Variants in PPM1D observed in about 807,000 individuals in gnomAD.
The protein encoded by PPM1D is protein phosphatase 1D.
Under a neutral mutation model 58.3 loss-of-function variants are expected in PPM1D, and 52 were observed. That is an observed-to-expected ratio of 0.89 (90% CI 0.71 to 1.12). The LOEUF is 1.12. Ranked by LOEUF, PPM1D falls within the 50% of genes most tolerant of loss-of-function variation. PPM1D has a pLI of 0.00. For synonymous variants in PPM1D, 278 were observed against 285.1 expected (o/e 0.98, Z 0.25); for missense variants, 564 against 777.2 (o/e 0.73, Z 3.26).
At chr17:60,610,564 G>A (rs551404500) in intron 1 of PPM1D, among the ~76,000 whole-genome samples, 1 of 152,168 alleles carries the variant, frequency 6.6e-6, no homozygotes, top group Non-Finnish European at 1.5e-5. Context: ...GCCCAGGTTT[G>A]GCAAAGTAAA....
chr17:60,610,301 G>C (rs541559113), intron 1 of PPM1D, among the ~76,000 whole-genome samples: 1 of 152,224 alleles, frequency 6.6e-6, no homozygotes, highest in South Asian at 2.1e-4. Context: ...CTGCGATAAG[G>C]GGGTACTACT....
At chr17:60,650,785 T>C (rs1327487240) in intron 4 of PPM1D, among the ~76,000 whole-genome samples, 1 of 151,944 alleles carries the variant, frequency 6.6e-6, no homozygotes, top group African/African-American at 2.4e-5. Flanking sequence ...ATATCTTCAG[T>C]AGGCAGTTAT....
chr17:60,623,425 G>A (rs2030745112), intron 1 of PPM1D, 96 bp from the exon 2 acceptor site: 1 of 1,204,768 alleles, frequency 8.3e-7, no homozygotes, highest in Admixed American at 2.4e-5. Context: ...TAATTCGAAT[G>A]TTAACATGCT....
At chr17:60,615,257 C>T (rs547993683) in intron 1 of PPM1D, among the ~76,000 whole-genome samples, 1 of 151,844 alleles carries the variant, frequency 6.6e-6, no homozygotes, top group South Asian at 2.1e-4. Context: ...ATTAGCTGGG[C>T]GTGGTGGCGT....
intron 1 of PPM1D, among the ~76,000 whole-genome samples, chr17:60,607,701 G>GAAGT (rs2030360621): frequency 6.6e-6 from 1 of 152,234 alleles, no homozygotes; most frequent in South Asian, 2.1e-4. Context: ...GATGGTGAAT[G>GAAGT]AAGTGCAGCT....
chr17:60,607,439 C>G (rs1270548299), intron 1 of PPM1D, among the ~76,000 whole-genome samples: 2 of 152,086 alleles, frequency 1.3e-5, no homozygotes, highest in Admixed American at 6.6e-5. Flanking sequence ...TGTGCCACCA[C>G]ACTCAGCTAA....
chr17:60,654,379 C>G (rs549788096), intron 4 of PPM1D, among the ~76,000 whole-genome samples: 1 of 137,136 alleles, frequency 7.3e-6, no homozygotes, highest in East Asian at 2.4e-4. Flanking sequence ...TGAACTGATT[C>G]TCCCACCTCA....
chr17:60,607,264 T>C (rs1240559047), intron 1 of PPM1D, among the ~76,000 whole-genome samples: 2 of 152,216 alleles, frequency 1.3e-5, no homozygotes, highest in East Asian at 3.9e-4. Context: ...TTCTAAGAAA[T>C]AAGTTTTTTT....
At chr17:60,658,959 A>AAAT (rs142715163) in intron 5 of PPM1D, among the ~76,000 whole-genome samples, 18 of 151,898 alleles carry the variant, frequency 1.2e-4, no homozygotes, top group South Asian at 4.2e-4. Flanking sequence ...ACTCCATCTC[A>AAAT]AATAATAATA....
chr17:60,632,256 C>A (rs2030937804), intron 2 of PPM1D, among the ~76,000 whole-genome samples: 1 of 151,906 alleles, frequency 6.6e-6, no homozygotes. Context: ...GCTCCTATGA[C>A]ACATTTTAGG....
intron 1 of PPM1D, among the ~76,000 whole-genome samples, chr17:60,609,283 T>C (rs1598399216): frequency 6.0e-5 from 9 of 149,438 alleles, no homozygotes; most frequent in Middle Eastern, 3.6e-3. Flanking sequence ...TTAGTAGAGA[T>C]GGGGTTTCAC....
intron 3 of PPM1D, among the ~76,000 whole-genome samples, chr17:60,643,055 G>GAAAAAA (rs61233619): frequency 1.4e-5 from 1 of 73,666 alleles, no homozygotes; most frequent in African/African-American, 4.0e-5. Context: ...CGTCTCAAAA[G>GAAAAAA]AAAAAAAAAA....
intron 5 of PPM1D, 43 bp from the exon 6 acceptor site, chr17:60,662,952 G>C: frequency 6.6e-7 from 1 of 1,525,646 alleles, no homozygotes; most frequent in African/African-American, 1.4e-5. Context: ...GTTGAGTTCT[G>C]GGATAAATTT....
At chr17:60,652,550 G>GTTTTTTTTTTTTTT (rs776162517) in intron 4 of PPM1D, among the ~76,000 whole-genome samples, 10 of 67,626 alleles carry the variant, frequency 1.5e-4, no homozygotes, top group East Asian at 5.3e-4. Flanking sequence ...GTTTACTTCT[G>GTTTTTTTTTTTTTT]TTTTTTTTTT....
chr17:60,621,563 A>ATTTTTTTTTT (rs775950363), intron 1 of PPM1D, among the ~76,000 whole-genome samples: 6 of 96,120 alleles, frequency 6.2e-5, no homozygotes, highest in African/African-American at 1.9e-4. Context: ...TATTTTTTGT[A>ATTTTTTTTTT]TTTTTTTTTT....
chr17:60,655,999 A>C (rs1043993463), intron 4 of PPM1D, among the ~76,000 whole-genome samples: 5 of 151,986 alleles, frequency 3.3e-5, no homozygotes, highest in African/African-American at 1.2e-4. Context: ...TTGCGTCTGG[A>C]CAACTTTTTC....
intron 3 of PPM1D, among the ~76,000 whole-genome samples, chr17:60,645,654 A>AGG (rs1408540253): frequency 9.9e-5 from 14 of 141,850 alleles, no homozygotes; most frequent in Non-Finnish European, 2.0e-4. Flanking sequence ...GTGTATATAT[A>AGG]TATATACACA....
chr17:60,663,632 TTTAAGGGGAGAAAA>T lies in PPM1D; in HGVS notation c.*85_*98del, dbSNP rs1210573893. ...AATTTGGTGCCGATGTTGAACTTTT[TTTAAGGGGAGAAAA>T]TTAAAAGAAATATACAGTTTGACTT... On this transcript the variant is annotated 3_prime_UTR_variant, in exon 6 of 6. Coordinates refer to ENST00000305921, the MANE Select transcript of PPM1D (RefSeq NM_003620.4). 4.0e-5 allele frequency: 57 copies of T among 1,410,502 alleles called. No individual in the cohort carries two copies. The East Asian group carries it at 1.3e-3, about 31-fold the overall frequency. 87.4% of individuals were successfully genotyped at this position (1,410,502 alleles called of 1,614,324 possible).
At chr17:60,629,835 C>G (rs889274985) in intron 2 of PPM1D, among the ~76,000 whole-genome samples, 3 of 151,998 alleles carry the variant, frequency 2.0e-5, no homozygotes, top group Non-Finnish European at 2.9e-5. Flanking sequence ...GTCAGGAGTT[C>G]GAGACAAGCC....
Sources: allele counts gnomAD v4.1 joint callset (sites outside exome capture counted in the v4.1 genomes callset), GRCh38; gene constraint gnomAD v4.1.1; transcripts MANE v1.5; gene names NCBI Gene and HGNC (gene_info 2026-07-23, HGNC 2026-07-21).